The following TRPM3 variants were observed in gnomAD, a reference collection of about 807,000 sequenced individuals.
The protein encoded by TRPM3 is transient receptor potential cation channel subfamily M member 3.
In TRPM3, 77 loss-of-function variants were observed where a neutral mutation model predicts 181.2. The ratio of observed to expected loss-of-function variants is 0.42; its 90% CI spans 0.35 to 0.51. The LOEUF (loss-of-function observed/expected upper bound fraction) is 0.51. Ranked by LOEUF, TRPM3 falls within the 20% of genes least tolerant of loss-of-function variation. The pLI is 0.01. For synonymous variants in TRPM3, 745 were observed against 796.4 expected (o/e 0.94, Z 1.09); for missense variants, 1,759 against 2,196.7 (o/e 0.80, Z 3.98).
intron 1 of TRPM3, among the ~76,000 whole-genome samples, chr9:71,197,836 A>C (rs2078490484): frequency 7.2e-6 from 1 of 138,222 alleles, no homozygotes; most frequent in Non-Finnish European, 1.6e-5. Context: ...GTTCACTCTG[A>C]TGGTAGTTTC....
At chr9:71,196,701 C>G (rs1009977332) in intron 1 of TRPM3, among the ~76,000 whole-genome samples, 1 of 151,926 alleles carries the variant, frequency 6.6e-6, no homozygotes, top group Non-Finnish European at 1.5e-5. Flanking sequence ...CAGGGAACTT[C>G]TTTTTCTTTC....
At chr9:71,083,112 G>A (rs1016643525) in intron 1 of TRPM3, among the ~76,000 whole-genome samples, 60 of 152,080 alleles carry the variant, frequency 3.9e-4, no homozygotes, top group African/African-American at 1.3e-3. Context: ...GCTTAAAGAC[G>A]TATGAGCCTG....
At chr9:70,669,317 G>A (rs2062463321) in intron 9 of TRPM3, among the ~76,000 whole-genome samples, 1 of 152,182 alleles carries the variant, frequency 6.6e-6, no homozygotes, top group Non-Finnish European at 1.5e-5. Context: ...TCATAATCCC[G>A]AAAAATCTTC....
intron 1 of TRPM3, among the ~76,000 whole-genome samples, chr9:71,411,967 T>C (rs1438882417): frequency 6.6e-6 from 1 of 152,134 alleles, no homozygotes; most frequent in Non-Finnish European, 1.5e-5. Context: ...ATCTGATCTT[T>C]GACAAATCTG....
At chr9:71,285,830 C>CCAA (rs1442608481) in intron 1 of TRPM3, among the ~76,000 whole-genome samples, 1 of 152,178 alleles carries the variant, frequency 6.6e-6, no homozygotes, top group Non-Finnish European at 1.5e-5. Flanking sequence ...ATCACCTAGA[C>CCAA]TCCCCTTGAC....
intron 1 of TRPM3, among the ~76,000 whole-genome samples, chr9:70,934,848 C>A (rs116951105): frequency 6.6e-6 from 1 of 151,776 alleles, no homozygotes; most frequent in Non-Finnish European, 1.5e-5. Flanking sequence ...TAATGAATTG[C>A]GCAATGGAAT....
intron 1 of TRPM3, among the ~76,000 whole-genome samples, chr9:71,335,977 G>C (rs555384908): frequency 1.5e-4 from 23 of 151,970 alleles, no homozygotes; most frequent in Admixed American, 3.9e-4. Flanking sequence ...AATATTCAAA[G>C]GTGTTGCTCC....
intron 25 of TRPM3, 94 bp from the exon 26 acceptor site, chr9:70,537,499 C>T (rs2042098434): frequency 2.6e-6 from 3 of 1,162,614 alleles, no homozygotes; most frequent in East Asian, 5.5e-5. Context: ...TGTGCCTGAC[C>T]TTGGTACCTT....
At chr9:70,781,706 G>A (rs1386305841) in intron 7 of TRPM3, among the ~76,000 whole-genome samples, 1 of 152,014 alleles carries the variant, frequency 6.6e-6, no homozygotes, top group African/African-American at 2.4e-5. Flanking sequence ...TTTGGACAAA[G>A]CGCTTAATTT....
intron 1 of TRPM3, among the ~76,000 whole-genome samples, chr9:71,346,397 T>C (rs549015217): frequency 2.7e-4 from 41 of 152,346 alleles, no homozygotes; most frequent in Admixed American, 8.5e-4. Context: ...AGTTTGCTGC[T>C]TCTATAGTCT....
chr9:71,133,686 T>C (rs10868953), intron 1 of TRPM3, among the ~76,000 whole-genome samples: 48,965 of 152,056 alleles, frequency 0.32, 9,144 homozygotes, highest in Middle Eastern at 0.48. Flanking sequence ...TCATGTGAAT[T>C]GCTAGTATTT....
intron 1 of TRPM3, among the ~76,000 whole-genome samples, chr9:71,291,686 A>G (rs998846396): frequency 1.3e-5 from 2 of 152,106 alleles, no homozygotes; most frequent in African/African-American, 4.8e-5. Flanking sequence ...CAAAAGAAAA[A>G]ATAATACAGA....
At chr9:70,755,602 G>C (rs1171697640) in intron 8 of TRPM3, among the ~76,000 whole-genome samples, 1 of 151,982 alleles carries the variant, frequency 6.6e-6, no homozygotes, top group Non-Finnish European at 1.5e-5. Context: ...CCTGACCTCA[G>C]GTGATCCGCC....
chr9:70,769,312 C>T (rs1184392197), intron 7 of TRPM3, among the ~76,000 whole-genome samples: 5 of 152,118 alleles, frequency 3.3e-5, no homozygotes, highest in Non-Finnish European at 7.4e-5. Context: ...CTTCAGCTTG[C>T]TATATCTGCT....
Position 70,533,628 on chromosome 9 carries a change from C to T in TRPM3, c.*2325G>A, listed in dbSNP as rs769458639. ...TTCTGGAGAGAGAGCCTAGAGTTAT[C>T]GTAGAGCCTCGTAGGGATTCATGAC... On this transcript the variant is annotated 3_prime_UTR_variant, in exon 26 of 26. Transcript: ENST00000677713. The T allele has an allele frequency of 4.6e-5, 7 of 151,774 alleles. No individual in the cohort carries two copies. Among genetic ancestry groups the T allele is most frequent in the Admixed American group, 4.6e-4 (7 of 15,220 alleles). 9.4% of individuals were successfully genotyped at this position (151,774 alleles called of 1,614,324 possible).
chr9:70,598,620 C>T lies in TRPM3; in HGVS notation c.2847G>A (p.Leu949=). The part of the protein sequence containing the change: ...GKLLQKVKVW[L]QEYWNVTDLI... ...GGTCCGTGACATTCCAGTACTCCTG[C>T]AGCCATACCTTCACTTTCTGTAGCA... Residue 949 remains leucine (L), a synonymous_variant, in exon 21 of 26, where the codon CTG becomes CTA. Coordinates refer to ENST00000677713, the MANE Select transcript of TRPM3 (RefSeq NM_001366145.2). 1 of 1,614,208 alleles carries T rather than the reference C, an allele frequency of 6.2e-7. No individual in the cohort carries two copies. The highest frequency in any genetic ancestry group is 8.5e-7 in the Non-Finnish European group (1 of 1,180,022).
Position 70,598,479 on chromosome 9 carries a change from G to T in TRPM3, c.2988C>A (p.Leu996=). 6.2e-7 allele frequency: 1 copy of T among 1,614,194 alleles called. No individual in the cohort carries two copies. The highest frequency in any genetic ancestry group is 8.5e-7 in the Non-Finnish European group (1 of 1,180,042). Residue 996 remains leucine, a synonymous_variant, in exon 21 of 26, where the codon CTC becomes CTA. Transcript: ENST00000677713. The part of the protein sequence containing the change: ...CVNIIYWYIR[L]LDIFGVNKYL... ...ACTTGTTCACGCCGAAGATGTCTAG[G>T]AGACGGATATACCAGTAAATGATGT...
chr9:71,111,324 C>T (rs2134211457), intron 1 of TRPM3, among the ~76,000 whole-genome samples: 1 of 152,252 alleles, frequency 6.6e-6, no homozygotes, highest in African/African-American at 2.4e-5. Flanking sequence ...GGGATTCCAG[C>T]AAAATCAATT....
Position 70,918,930 on chromosome 9 carries a change from T to C in TRPM3, c.178-54419A>G, listed in dbSNP as rs114700338. On this transcript the variant is annotated intron_variant, in intron 1 of 25. Coordinates refer to ENST00000677713, the MANE Select transcript of TRPM3 (RefSeq NM_001366145.2). ...ATTTTTTCTCTTGGTGGCCATTATT[T>C]TTGATAAGTGGGTCAATTGCACTGT... Among the ~76,000 whole-genome samples, 1,155 of 152,242 alleles carry C rather than the reference T, an allele frequency of 7.6e-3. 15 individuals carry two copies. The highest frequency in any genetic ancestry group is 0.025 in the African/African-American group (1,051 of 41,544).
Sources: gnomAD v4.1 joint callset for allele counts (sites outside exome capture counted in the v4.1 genomes callset) on GRCh38, gnomAD v4.1.1 for gene constraint, MANE v1.5 for transcripts, NCBI Gene and HGNC (gene_info 2026-07-23, HGNC 2026-07-21) for gene names.